Variants in CEP120 observed in about 807,000 individuals in gnomAD.
CEP120 encodes the protein centrosomal protein of 120 kDa.
CEP120 carries 113 observed loss-of-function variants against 126.5 expected under a neutral mutation model. The ratio of observed to expected loss-of-function variants is 0.89; its 90% CI spans 0.77 to 1.04. The LOEUF (loss-of-function observed/expected upper bound fraction) is 1.04, where lower values mean the gene tolerates loss of function less well. Ranked by LOEUF, CEP120 falls within the 50% of genes least tolerant of loss-of-function variation. The pLI is 0.00. For missense variants in CEP120, 1,230 were observed against 1,155.7 expected, an observed-to-expected ratio of 1.06 and a Z score of -0.93; for synonymous variants, 400 against 394.3, an observed-to-expected ratio of 1.01 and a Z score of -0.17.
At position 123,419,561 on chromosome 5, in the gene CEP120, A is replaced by AAC. The variant is rs1774589224; in HGVS notation, c.50-1047_50-1046insGT. Among the ~76,000 whole-genome samples the AAC allele has an allele frequency of 2.6e-5, 4 of 151,842 alleles. No homozygotes were observed. In the South Asian group the frequency reaches 6.2e-4, roughly 24 times the overall value. On this transcript the variant is annotated intron_variant, in intron 1 of 19. Transcript: ENST00000306467. The stretch of plus-strand genomic sequence containing the variant: ...AAAAACAAAAACAAAAACAAAAAAA[A>AAC]AAAAACAGAATACTTTCCAAATTAG...
intron 17 of CEP120, among the ~76,000 whole-genome samples, chr5:123,365,541 A>G (rs1046130682): frequency 7.2e-5 from 11 of 151,756 alleles, no homozygotes; most frequent in African/African-American, 2.4e-4. Flanking sequence ...TCCCTTCACA[A>G]AAGTGCAGAA....
intron 1 of CEP120, among the ~76,000 whole-genome samples, chr5:123,419,755 A>C (rs1329168188): frequency 1.3e-5 from 2 of 152,212 alleles, no homozygotes; most frequent in Non-Finnish European, 2.9e-5. Flanking sequence ...GTATTTTATC[A>C]GATGGTGGGG....
At chr5:123,354,598 A>G (rs1302231716) in intron 18 of CEP120, among the ~76,000 whole-genome samples, 2 of 151,984 alleles carry the variant, frequency 1.3e-5, no homozygotes, top group African/African-American at 4.8e-5. Flanking sequence ...AACTGTTGTC[A>G]TCTTCCAGGT....
chr5:123,372,795 A>G, intron 16 of CEP120, 23 bp from the exon 17 acceptor site: 2 of 1,559,210 alleles, frequency 1.3e-6, no homozygotes, highest in African/African-American at 2.8e-5. Flanking sequence ...AAGTTTAGCC[A>G]TTTCAAAACA....
At chr5:123,349,751 C>T (rs1227653470) in intron 19 of CEP120, among the ~76,000 whole-genome samples, 193 bp downstream of exon 19, 1 of 152,102 alleles carries the variant, frequency 6.6e-6, no homozygotes, top group East Asian at 1.9e-4. Context: ...AACGATCCTC[C>T]CACCATCCTC....
intron 17 of CEP120, among the ~76,000 whole-genome samples, chr5:123,366,047 TTATAGA>T (rs139862343): frequency 9.8e-4 from 149 of 151,680 alleles, no homozygotes; most frequent in Non-Finnish European, 1.4e-3. Context: ...ACATGTATAG[TTATAGA>T]TATAATTTCT....
chr5:123,414,332 G>A lies in CEP120; in HGVS notation c.321+1678C>T, dbSNP rs978308923. ...TCAGAATAAGATCTAGTGGCAGAGA[G>A]GCAGTGAGTACCAAGGATGGGGGGA... On this transcript the variant is annotated intron_variant, in intron 3 of 19. Coordinates refer to ENST00000306467, the MANE Select transcript of CEP120 (RefSeq NM_001375405.1). 2.6e-5 allele frequency among the ~76,000 whole-genome samples: 4 copies of A among 152,166 alleles called. No individual in the cohort carries two copies. In the East Asian group the frequency reaches 7.7e-4, roughly 29 times the overall value.
chr5:123,363,615 T>C (rs1349832741), intron 18 of CEP120, among the ~76,000 whole-genome samples: 1 of 151,526 alleles, frequency 6.6e-6, no homozygotes, highest in Non-Finnish European at 1.5e-5. Context: ...CCAACTCCTC[T>C]ATCATTTATG....
At chr5:123,410,767 G>C (rs1774006843) in intron 4 of CEP120, among the ~76,000 whole-genome samples, 1 of 152,098 alleles carries the variant, frequency 6.6e-6, no homozygotes, top group Admixed American at 6.5e-5. Context: ...GATGGCCTTG[G>C]GTGGTGGCAA....
intron 8 of CEP120, 65 bp downstream of exon 8, chr5:123,389,859 A>G: frequency 7.0e-7 from 1 of 1,419,542 alleles, no homozygotes; most frequent in East Asian, 2.3e-5. Context: ...TCTCATAGTC[A>G]TTTTTTAGAT....
At position 123,345,636 on chromosome 5, in the gene CEP120, C is replaced by G. The variant is rs938266706; in HGVS notation, c.*883G>C. On this transcript the variant is annotated 3_prime_UTR_variant, in exon 20 of 20. Coordinates refer to ENST00000306467, the MANE Select transcript of CEP120 (RefSeq NM_001375405.1). ...CACTGCATAAATCCAATGAGTGAAT[C>G]TCGTGCGCTTTTGAAAACGATTGAT... 1 of 152,064 alleles carries G rather than the reference C, an allele frequency of 6.6e-6. No individual in the cohort carries two copies. The highest frequency in any genetic ancestry group is 2.4e-5 in the African/African-American group (1 of 41,430). The allele number at this position is 152,064 out of a possible 1,614,324, so 9.4% of individuals were successfully genotyped here.
At chr5:123,376,197 A>G (rs1315657567) in intron 16 of CEP120, among the ~76,000 whole-genome samples, 1 of 152,132 alleles carries the variant, frequency 6.6e-6, no homozygotes, top group Non-Finnish European at 1.5e-5. Flanking sequence ...GTCCTATGAG[A>G]CCATAAAATA....
In CEP120 at chr5:123,350,035, G is replaced by A. The variant is rs1366881820; in HGVS notation, c.2635C>T (p.Gln879Ter). Residue 879 changes from glutamine (Q) to a stop codon, truncating the protein, a stop_gained, in exon 19 of 20, where the codon CAG (glutamine) becomes TAG (stop). Transcript: ENST00000306467. LOFTEE classifies it high-confidence loss of function. Reference protein sequence around the residue: ...RLKKQQEELEQMRLRYLAAEE... With the variant: ...RLKKQQEELE Reference sequence around the variant, plus strand: ...GCGGCAAGGTAACGTAGTCTCATCTGTTCCAATTCTTCCTGCTGTTTTTTA... The same window carrying A: ...GCGGCAAGGTAACGTAGTCTCATCTATTCCAATTCTTCCTGCTGTTTTTTA... 5.6e-6 allele frequency: 9 copies of A among 1,613,100 alleles called. No homozygotes were observed. Among genetic ancestry groups the A allele is most frequent in the Non-Finnish European group, 7.6e-6 (9 of 1,179,684 alleles).
chr5:123,367,057 T>G (rs1285387361), intron 17 of CEP120, among the ~76,000 whole-genome samples: 1 of 151,898 alleles, frequency 6.6e-6, no homozygotes, highest in East Asian at 1.9e-4. Context: ...AAATGGTTTC[T>G]ATCACATTCC....
At chr5:123,394,458 C>T (rs1421887647) in intron 5 of CEP120, among the ~76,000 whole-genome samples, 1 of 152,168 alleles carries the variant, frequency 6.6e-6, no homozygotes, top group African/African-American at 2.4e-5. Flanking sequence ...AAATCTAATG[C>T]CACCACTGAT....
intron 4 of CEP120, among the ~76,000 whole-genome samples, chr5:123,404,022 T>A (rs901880586): frequency 6.6e-6 from 1 of 152,232 alleles, no homozygotes; most frequent in Non-Finnish European, 1.5e-5. Flanking sequence ...TAAGGTTACA[T>A]GTGTTAATAT....
intron 12 of CEP120, 23 bp downstream of exon 12, chr5:123,382,963 T>C: frequency 6.3e-7 from 1 of 1,596,518 alleles, no homozygotes; most frequent in South Asian, 1.1e-5. Flanking sequence ...AAAAAAAATT[T>C]GATAACATTC....
chr5:123,401,505 T>C (rs1032596600), intron 4 of CEP120: 1 of 1,277,316 alleles, frequency 7.8e-7, no homozygotes, highest in South Asian at 1.2e-5. Flanking sequence ...TGGTACATGC[T>C]CTCAGCCTCG....
In CEP120 at chr5:123,409,956, A is replaced by G. The variant is rs183921187; in HGVS notation, c.463+2443T>C. On this transcript the variant is annotated intron_variant, in intron 4 of 19. Transcript: ENST00000306467. ...GGGTGACAGAGTGAGATCCTGTCTC[A>G]AAAAACAAAACAAGCAAAAAAAAAA... Among the ~76,000 whole-genome samples, 71 of 143,644 alleles carry G rather than the reference A, an allele frequency of 4.9e-4. 3 individuals carry two copies. Among genetic ancestry groups the G allele is most frequent in the Admixed American group, 8.0e-4 (11 of 13,828 alleles). The allele number at this position is 143,644 out of a possible 152,430, so 94.2% of individuals were successfully genotyped here.
Sources: gnomAD v4.1 joint callset for allele counts (sites outside exome capture counted in the v4.1 genomes callset) on GRCh38, gnomAD v4.1.1 for gene constraint, MANE v1.5 for transcripts, NCBI Gene and HGNC (gene_info 2026-07-23, HGNC 2026-07-21) for gene names.